CFAP77: variants seen among roughly 807,000 people sequenced by gnomAD.
The protein encoded by CFAP77 is cilia- and flagella-associated protein 77.
CFAP77 carries 25 observed loss-of-function variants against 31.1 expected under a neutral mutation model. The observed-to-expected ratio is 0.80, with a 90% CI of 0.59 to 1.12. The LOEUF (loss-of-function observed/expected upper bound fraction) is 1.12. Ranked by LOEUF, CFAP77 falls within the 50% of genes most tolerant of loss-of-function variation. The pLI, the probability that CFAP77 is intolerant of heterozygous loss-of-function variation, is 0.00. For synonymous variants in CFAP77, 151 were observed against 159.9 expected (o/e 0.94, Z 0.42); for missense variants, 377 against 397.3 (o/e 0.95, Z 0.44).
Position 132,489,076 on chromosome 9 carries a change from G to A in CFAP77, c.196-9619G>A, listed in dbSNP as rs759442741. Among the ~76,000 whole-genome samples the A allele has an allele frequency of 2.6e-5, 4 of 152,258 alleles. No homozygotes were observed. The South Asian group carries it at 6.2e-4, about 24-fold the overall frequency. Reference sequence around the variant, plus strand: ...AGACTCGGAGCTGGGATTTTTCTCCGTTTGCCTCTTAATTCCAACACCTCA... The same window carrying A: ...AGACTCGGAGCTGGGATTTTTCTCCATTTGCCTCTTAATTCCAACACCTCA... On this transcript the variant is annotated intron_variant, in intron 1 of 5. Coordinates refer to ENST00000393216, the MANE Select transcript of CFAP77 (RefSeq NM_001282957.2).
chr9:132,437,997 G>A (rs920729820), intron 1 of CFAP77, among the ~76,000 whole-genome samples: 2 of 151,494 alleles, frequency 1.3e-5, no homozygotes, highest in Non-Finnish European at 2.9e-5. Flanking sequence ...CTGAGGTCAT[G>A]AGTTCAAGAG....
chr9:132,415,974 T>A (rs1460907077), intron 1 of CFAP77, among the ~76,000 whole-genome samples: 2 of 152,232 alleles, frequency 1.3e-5, no homozygotes, highest in African/African-American at 2.4e-5. Flanking sequence ...ACCACCAACA[T>A]GTTAGCTATG....
chr9:132,468,593 C>T (rs959623501), intron 1 of CFAP77, among the ~76,000 whole-genome samples: 1 of 152,206 alleles, frequency 6.6e-6, no homozygotes, highest in Non-Finnish European at 1.5e-5. Context: ...CAAGAGCAGG[C>T]CACAGCCCTT....
rs1051961774 is a variant in CFAP77, at chr9:132,480,646, A to T, written c.196-18049A>T. Among the ~76,000 whole-genome samples, 4 of 152,212 alleles carry T rather than the reference A, an allele frequency of 2.6e-5. No homozygotes were observed. Among genetic ancestry groups the T allele is most frequent in the Admixed American group, 1.3e-4 (2 of 15,280 alleles). On this transcript the variant is annotated intron_variant, in intron 1 of 5. Transcript: ENST00000393216. This position sits in a 1 kb window ranked among gnomAD's most constrained non-coding sequence, Gnocchi z 5.8. ...TTCATCTCAAAGACGTGGGTCCAGG[A>T]AGGAAAATAGGTGACATCCTGTGGC...
intron 1 of CFAP77, among the ~76,000 whole-genome samples, chr9:132,492,572 C>G (rs1207719473): frequency 6.6e-6 from 1 of 152,244 alleles, no homozygotes; most frequent in African/African-American, 2.4e-5. Context: ...TTCAGACCCA[C>G]CTTGGCCACT....
chr9:132,569,496 A>C (rs1427845194), intron 5 of CFAP77, among the ~76,000 whole-genome samples: 3 of 152,164 alleles, frequency 2.0e-5, no homozygotes, highest in Non-Finnish European at 4.4e-5. Context: ...ACATTTTGCA[A>C]AGCTGAATAT....
chr9:132,555,596 C>T (rs1166348617), intron 5 of CFAP77, among the ~76,000 whole-genome samples: 1 of 152,192 alleles, frequency 6.6e-6, no homozygotes, highest in African/African-American at 2.4e-5. Context: ...AAGGAATCCC[C>T]ATTGTCTAAA....
chr9:132,430,509 C>T (rs1276380212), intron 1 of CFAP77, among the ~76,000 whole-genome samples: 1 of 152,192 alleles, frequency 6.6e-6, no homozygotes, highest in African/African-American at 2.4e-5. Flanking sequence ...TGTTTCCATT[C>T]TTCCCAATGA....
intron 1 of CFAP77, among the ~76,000 whole-genome samples, chr9:132,418,808 A>G (rs1850158607): frequency 1.3e-5 from 2 of 152,240 alleles, no homozygotes; most frequent in South Asian, 4.1e-4. Context: ...TGGTGCACCA[A>G]CTTCCAAGGA....
intron 1 of CFAP77, among the ~76,000 whole-genome samples, chr9:132,459,872 G>A (rs1473462819): frequency 6.6e-6 from 1 of 151,612 alleles, no homozygotes; most frequent in Non-Finnish European, 1.5e-5. Flanking sequence ...GTGTGTGTAT[G>A]TGTGAGTGTA....
chr9:132,558,437 GCT>G (rs1220548329), intron 5 of CFAP77, among the ~76,000 whole-genome samples: 2 of 152,246 alleles, frequency 1.3e-5, no homozygotes, highest in Non-Finnish European at 2.9e-5. Context: ...AGGTGTGGTG[GCT>G]CATGCCTGTA....
At chr9:132,478,371 C>T (rs940085972) in intron 1 of CFAP77, among the ~76,000 whole-genome samples, 5 of 150,058 alleles carry the variant, frequency 3.3e-5, no homozygotes, top group African/African-American at 7.4e-5. Flanking sequence ...GGTGAAGACG[C>T]GGCACTGGTT....
rs1852572900 is a variant in CFAP77 at position 132,537,841 on chromosome 9, C to T, written c.630+135C>T. The T allele has an allele frequency of 7.5e-6, 5 of 664,396 alleles. No individual in the cohort carries two copies. The South Asian group carries it at 9.5e-5, about 13-fold the overall frequency. The allele number at this position is 664,396 out of a possible 1,614,324, so 41.2% of individuals were successfully genotyped here. A position where few individuals can be genotyped will look rare whatever the true frequency, so the allele number is the denominator to read the frequency against. ...TGAGTGGGAAATCAGGTTGCATCTT[C>T]TGCCCAGCATCAGAGAATCTACAGC... On this transcript the variant is annotated intron_variant, in intron 4 of 5. Coordinates refer to ENST00000393216, the MANE Select transcript of CFAP77 (RefSeq NM_001282957.2).
intron 3 of CFAP77, among the ~76,000 whole-genome samples, chr9:132,524,184 A>AGTAGT (rs1471343792): frequency 1.3e-5 from 2 of 152,022 alleles, no homozygotes; most frequent in African/African-American, 4.8e-5. Flanking sequence ...GAGACTGACC[A>AGTAGT]GTAGTGTGTA....
chr9:132,534,773 T>TC (rs904515834), intron 3 of CFAP77, among the ~76,000 whole-genome samples: 7 of 152,180 alleles, frequency 4.6e-5, no homozygotes, highest in African/African-American at 1.7e-4. Context: ...TTTCCTTTTT[T>TC]CCCACCAGAA....
Position 132,455,463 on chromosome 9 carries a change from G to T in CFAP77, c.196-43232G>T, listed in dbSNP as rs111918753. On this transcript the variant is annotated intron_variant, in intron 1 of 5. Coordinates refer to ENST00000393216, the MANE Select transcript of CFAP77 (RefSeq NM_001282957.2). The surrounding 1 kb of genome is among the most constrained non-coding windows in gnomAD (Gnocchi z 4.1). The stretch of plus-strand genomic sequence containing the variant: ...GTGGAGGTTGCGGTGAGCTGAGATC[G>T]TGCCACTGTACTCTAGCCTGGGTGG... Among the ~76,000 whole-genome samples the T allele has an allele frequency of 6.6e-6, 1 of 151,250 alleles. No homozygotes were observed. The highest frequency in any genetic ancestry group is 2.4e-5 in the African/African-American group (1 of 41,022).
chr9:132,432,533 C>CT (rs35812976), intron 1 of CFAP77, among the ~76,000 whole-genome samples: 216 of 138,892 alleles, frequency 1.6e-3, no homozygotes, highest in South Asian at 2.2e-3. Context: ...TCCTTGGTTC[C>CT]TTTTTTTTTT....
intron 5 of CFAP77, among the ~76,000 whole-genome samples, chr9:132,568,901 T>C (rs992351811): frequency 2.0e-5 from 3 of 152,180 alleles, no homozygotes; most frequent in African/African-American, 7.2e-5. Context: ...GGTTTCACCA[T>C]GCTGCCTAGG....
intron 1 of CFAP77, among the ~76,000 whole-genome samples, chr9:132,430,582 G>C (rs1024092577): frequency 7.2e-5 from 11 of 152,166 alleles, no homozygotes; most frequent in African/African-American, 2.7e-4. Flanking sequence ...AAGCCCTCCT[G>C]TCCCAGTCGT....
Sources: gnomAD v4.1 joint callset for allele counts (sites outside exome capture counted in the v4.1 genomes callset) on GRCh38, gnomAD v4.1.1 for gene constraint, Gnocchi (gnomAD v3.1) non-coding constraint, MANE v1.5 for transcripts, NCBI Gene and HGNC (gene_info 2026-07-23, HGNC 2026-07-21) for gene names.